SLC16A12: variants seen among roughly 807,000 people sequenced by gnomAD.
The protein encoded by SLC16A12 is solute carrier family 16 member 12, also known as monocarboxylate transporter 12.
SLC16A12 carries 17 observed loss-of-function variants against 42.4 expected under a neutral mutation model. That is an observed-to-expected ratio of 0.40 (90% CI 0.27 to 0.60). The LOEUF is 0.60. Among genes scored for constraint, SLC16A12 ranks in the 20% least tolerant of loss-of-function variants. The pLI is 0.42. For synonymous variants in SLC16A12, 224 were observed against 229.4 expected (o/e 0.98, Z 0.21); for missense variants, 544 against 623.0 (o/e 0.87, Z 1.35).
At chr10:89,453,136 C>T (rs112423019) in intron 3 of SLC16A12, among the ~76,000 whole-genome samples, 151 of 152,286 alleles carry the variant, frequency 9.9e-4, no homozygotes, top group African/African-American at 3.3e-3. Context: ...GCAGATCTGA[C>T]GCTAGATTAA....
intron 3 of SLC16A12, among the ~76,000 whole-genome samples, chr10:89,461,016 G>A (rs767470964): frequency 2.8e-4 from 42 of 152,168 alleles, no homozygotes; most frequent in African/African-American, 9.9e-4. Context: ...CTGTATTGAT[G>A]ATGCCAACAA....
At chr10:89,539,881 C>CTT (rs1554834004), upstream of SLC16A12, among the ~76,000 whole-genome samples, 1 of 143,986 alleles carries the variant, frequency 6.9e-6, no homozygotes, top group African/African-American at 2.8e-5. Context: ...TTCTTTCTTT[C>CTT]TTTCTTTCTT....
At chr10:89,533,673 T>C (rs936599249) in intron 2 of SLC16A12, among the ~76,000 whole-genome samples, 1 of 152,112 alleles carries the variant, frequency 6.6e-6, no homozygotes, top group Non-Finnish European at 1.5e-5. Context: ...TTTGGACTAA[T>C]TTTCTTCTTC....
At position 89,439,172 on chromosome 10, in the gene SLC16A12, CA is replaced by C; in HGVS notation, c.459del (p.Phe153LeufsTer63). 6.2e-7 allele frequency: 1 copy of C among 1,614,074 alleles called. No homozygotes were observed. Among genetic ancestry groups the C allele is most frequent in the Non-Finnish European group, 8.5e-7 (1 of 1,180,006 alleles). Reference protein sequence around the residue: ...LTLGVLTGLGFALCYSPAIAM... With the variant: ...LTLGVLTGLGXALCYSPAIAM... ...GCAATAGCTGGAGAGTAACAAAGTG[CA>C]AATCCAAGACCTGAGGATAAAGAGA... On this transcript the variant is annotated frameshift_variant, in exon 6 of 8. Transcript: ENST00000371790. LOFTEE classifies it high-confidence loss of function.
At chr10:89,503,564 A>G (rs1843017901) in intron 2 of SLC16A12, among the ~76,000 whole-genome samples, 1 of 152,216 alleles carries the variant, frequency 6.6e-6, no homozygotes, top group African/African-American at 2.4e-5. Context: ...AAGGGCATGG[A>G]GCATATGAAT....
At chr10:89,542,517 T>C (rs1302140958) in intron 2 of SLC16A12, among the ~76,000 whole-genome samples, 1 of 152,156 alleles carries the variant, frequency 6.6e-6, no homozygotes, top group African/African-American at 2.4e-5. Flanking sequence ...TTGGCCAGGC[T>C]GGTCTTGAAC....
At chr10:89,468,542 T>G (rs975157360) in intron 2 of SLC16A12, among the ~76,000 whole-genome samples, 1 of 152,196 alleles carries the variant, frequency 6.6e-6, no homozygotes, top group Non-Finnish European at 1.5e-5. Context: ...TACTAACGCT[T>G]AAGCACCATT....
chr10:89,521,435 A>C (rs1259019223), intron 2 of SLC16A12, among the ~76,000 whole-genome samples: 1 of 152,214 alleles, frequency 6.6e-6, no homozygotes, highest in African/African-American at 2.4e-5. Context: ...ATTTCCTAGA[A>C]TCCTACACGG....
intron 2 of SLC16A12, among the ~76,000 whole-genome samples, chr10:89,551,247 G>C (rs1053520444): frequency 6.6e-6 from 1 of 152,146 alleles, no homozygotes; most frequent in Non-Finnish European, 1.5e-5. Flanking sequence ...TTCGAGACCA[G>C]CCTGGCCAAC....
intron 2 of SLC16A12, among the ~76,000 whole-genome samples, chr10:89,505,784 G>A (rs1843051188): frequency 6.6e-6 from 1 of 152,172 alleles, no homozygotes; most frequent in Non-Finnish European, 1.5e-5. Flanking sequence ...TCTGGTGCCT[G>A]GCTCAGCAGG....
At chr10:89,539,249 G>A (rs1409054381), upstream of SLC16A12, among the ~76,000 whole-genome samples, 1 of 152,098 alleles carries the variant, frequency 6.6e-6, no homozygotes, top group Non-Finnish European at 1.5e-5. Context: ...ATCATTATTA[G>A]TTAAGTAACC....
At chr10:89,515,850 C>A (rs1295309621) in intron 2 of SLC16A12, among the ~76,000 whole-genome samples, 4 of 152,116 alleles carry the variant, frequency 2.6e-5, no homozygotes. Flanking sequence ...TGGGATTTTT[C>A]ACAATGAGCT....
Position 89,433,108 on chromosome 10 carries a change from C to T in SLC16A12, c.1507G>A (p.Gly503Arg), listed in dbSNP as rs1251270446. ...SVARELDQKH[G>R]EPVATAVPGY... is the part of the protein sequence containing the mutation. ...GGCACTGCTGTAGCCACAGGCTCCC[C>T]ATGTTTCTGATCTAATTCTCTTGCC... The change falls in exon 8 of 8, where the codon GGG becomes AGG. Residue 503 changes from glycine (G) to arginine (R), a missense_variant. Transcript: ENST00000371790. 4 of 1,614,158 alleles carry T rather than the reference C, an allele frequency of 2.5e-6. No individual in the cohort carries two copies. The highest frequency in any genetic ancestry group is 3.4e-6 in the Non-Finnish European group (4 of 1,180,014).
chr10:89,498,356 T>G (rs954536554), intron 2 of SLC16A12, among the ~76,000 whole-genome samples: 29 of 152,240 alleles, frequency 1.9e-4, no homozygotes, highest in Admixed American at 1.9e-3. Context: ...GAAGGAAACA[T>G]TTCTAGTGCA....
At chr10:89,466,762 A>G (rs1842406901) in intron 2 of SLC16A12, among the ~76,000 whole-genome samples, 1 of 151,924 alleles carries the variant, frequency 6.6e-6, no homozygotes, top group Admixed American at 6.6e-5. Context: ...TCCCTGATAG[A>G]GTACCCTGAT....
At chr10:89,506,895 G>C (rs1487465498) in intron 2 of SLC16A12, among the ~76,000 whole-genome samples, 1 of 152,022 alleles carries the variant, frequency 6.6e-6, no homozygotes, top group Non-Finnish European at 1.5e-5. Flanking sequence ...ACCTGATGGA[G>C]CTGAAAAACG....
chr10:89,523,227 G>A (rs1176578475), intron 2 of SLC16A12, among the ~76,000 whole-genome samples: 2 of 152,208 alleles, frequency 1.3e-5, no homozygotes, highest in African/African-American at 4.8e-5. Context: ...AAGCAGGGAA[G>A]AAAACTCCCC....
At chr10:89,552,298 T>G (rs923418891) in intron 2 of SLC16A12, among the ~76,000 whole-genome samples, 5 of 152,228 alleles carry the variant, frequency 3.3e-5, no homozygotes, top group Non-Finnish European at 7.3e-5. Context: ...GAAAACAGAT[T>G]ATAAAGCATG....
intron 2 of SLC16A12, among the ~76,000 whole-genome samples, chr10:89,475,976 C>A (rs1163996529): frequency 6.6e-6 from 1 of 152,152 alleles, no homozygotes; most frequent in Non-Finnish European, 1.5e-5. Context: ...GTTGAATGTG[C>A]AATTCATAAC....
Sources: gnomAD v4.1 joint callset for allele counts (sites outside exome capture counted in the v4.1 genomes callset) on GRCh38, gnomAD v4.1.1 for gene constraint, MANE v1.5 for transcripts, NCBI Gene and HGNC (gene_info 2026-07-23, HGNC 2026-07-21) for gene names.